The following CHRDL1 variants were observed in gnomAD, a reference collection of about 807,000 sequenced individuals.
CHRDL1 encodes chordin-like protein 1.
A neutral mutation model predicts 40.9 loss-of-function variants in CHRDL1; 19 were observed. The ratio of observed to expected loss-of-function variants is 0.46; its 90% CI spans 0.32 to 0.68. CHRDL1 has a LOEUF of 0.68. Ranked by LOEUF, CHRDL1 falls within the 30% of genes least tolerant of loss-of-function variation. The pLI is 0.03. For missense variants in CHRDL1, 329 were observed against 352.1 expected, an observed-to-expected ratio of 0.93 and a Z score of 0.53; for synonymous variants, 136 against 123.4, an observed-to-expected ratio of 1.10 and a Z score of -0.68.
At chrX:110,789,861 A>G (rs1456673359) in intron 2 of CHRDL1, among the ~76,000 whole-genome samples, 5 of 112,099 alleles carry the variant, frequency 4.5e-5, no homozygotes, top group Non-Finnish European at 9.4e-5. Context: ...AAGCATATAT[A>G]TTAATTTTAT....
chrX:110,714,268 G>A (rs765070918), intron 6 of CHRDL1, among the ~76,000 whole-genome samples: 1 of 109,877 alleles, frequency 9.1e-6, no homozygotes, highest in South Asian at 4.0e-4. Flanking sequence ...GCAGTATTTG[G>A]GGAAAAAAAA....
At position 110,758,424 on chromosome X, in the gene CHRDL1, GC is replaced by G. The variant is rs1276043311; in HGVS notation, c.301+1236del. 3.6e-5 allele frequency among the ~76,000 whole-genome samples: 4 copies of G among 111,374 alleles called. No individual in the cohort carries two copies. The South Asian group carries it at 1.1e-3, about 31-fold the overall frequency. On this transcript the variant is annotated intron_variant, in intron 4 of 11. Coordinates refer to ENST00000372042, the MANE Select transcript of CHRDL1 (RefSeq NM_001143981.2). ...AACCTGTGATATGGCATGATATTCT[GC>G]CATCTGGAAATGAATCACCTGTGTT...
chrX:110,689,796 CATCTATATATCTATATAT>C (rs1569462258), intron 8 of CHRDL1, among the ~76,000 whole-genome samples: 79 of 1,948 alleles, frequency 0.041, 7 homozygotes, highest in Non-Finnish European at 0.056. Flanking sequence ...TATATCTATA[CATCTATATATCTATATAT>C]ATCTATATAT....
chrX:110,697,816 A>ACACC (rs2070423205), intron 7 of CHRDL1, among the ~76,000 whole-genome samples: 1 of 2,254 alleles, frequency 4.4e-4, no homozygotes, highest in East Asian at 2.7e-3. Context: ...ACACCACTCC[A>ACACC]CACACACACA....
intron 4 of CHRDL1, among the ~76,000 whole-genome samples, chrX:110,728,485 G>C (rs756444762): frequency 9.0e-6 from 1 of 111,328 alleles, no homozygotes; most frequent in Non-Finnish European, 1.9e-5. Flanking sequence ...TCAGAAGCCC[G>C]GCTGTATTCC....
intron 2 of CHRDL1, among the ~76,000 whole-genome samples, chrX:110,773,390 C>A (rs780357212): frequency 8.9e-6 from 1 of 111,798 alleles, no homozygotes; most frequent in South Asian, 3.7e-4. Context: ...AATTGTACAG[C>A]TTTCTGTTAC....
chrX:110,729,462 C>G (rs1030884273), intron 4 of CHRDL1, among the ~76,000 whole-genome samples: 1 of 111,528 alleles, frequency 9.0e-6, no homozygotes, highest in Non-Finnish European at 1.9e-5. Flanking sequence ...GAACTTAACT[C>G]TCCTGTGGCC....
At chrX:110,765,856 T>C (rs891901536) in intron 2 of CHRDL1, among the ~76,000 whole-genome samples, 2 of 111,863 alleles carry the variant, frequency 1.8e-5, no homozygotes, top group African/African-American at 3.2e-5. Context: ...ACTTACAAGA[T>C]ATATATAGAA....
intron 1 of CHRDL1, among the ~76,000 whole-genome samples, chrX:110,794,166 G>C (rs1018783554): frequency 1.8e-5 from 2 of 111,954 alleles, no homozygotes; most frequent in Admixed American, 9.4e-5. Flanking sequence ...TTAGGGAAGG[G>C]GGTGGTTCAA....
At chrX:110,689,629 TCTATATATCTATATATATCTATATATC>T (rs1382969279) in intron 8 of CHRDL1, among the ~76,000 whole-genome samples, 39 of 42,758 alleles carry the variant, frequency 9.1e-4, no homozygotes, top group Admixed American at 2.0e-3. Flanking sequence ...TATCTATATA[TCTATATATCTATATATATCTATATATC>T]ATCTATATAT....
At position 110,681,360 on chromosome X, in the gene CHRDL1, A is replaced by C. The variant is rs146435047; in HGVS notation, c.1156+122T>G. ...AATAGTGTTAGATATGTCAGTTTCT[A>C]AGCAATCAAAAAGAACTTTTAATCC... is the stretch of plus-strand genomic sequence containing the variant. On this transcript the variant is annotated intron_variant, in intron 10 of 11. Coordinates refer to ENST00000372042, the MANE Select transcript of CHRDL1 (RefSeq NM_001143981.2). 695 of 559,769 alleles carry C rather than the reference A, an allele frequency of 1.2e-3. 4 individuals carry two copies. Among genetic ancestry groups the C allele is most frequent in the Middle Eastern group, 0.012 (30 of 2,521 alleles). 46.1% of individuals were successfully genotyped at this position (559,769 alleles called of 1,213,427 possible).
chrX:110,762,628 G>A (rs2089586560), intron 3 of CHRDL1, 67 bp downstream of exon 3: 2 of 610,455 alleles, frequency 3.3e-6, no homozygotes, highest in Non-Finnish European at 5.5e-6. Flanking sequence ...CTGGCCATTT[G>A]GGCACTGAAA....
chrX:110,785,050 A>G (rs2089996881), intron 2 of CHRDL1, among the ~76,000 whole-genome samples: 3 of 112,159 alleles, frequency 2.7e-5, no homozygotes, highest in African/African-American at 9.7e-5. Context: ...TCAAAAAACC[A>G]AACTGTTCTT....
chrX:110,689,398 A>ATATATATCTATATATCTATATATATC (rs2070109570), intron 8 of CHRDL1, among the ~76,000 whole-genome samples: 4 of 58,186 alleles, frequency 6.9e-5, no homozygotes, highest in East Asian at 6.3e-4. Flanking sequence ...CACCCAGCCT[A>ATATATATCTATATATCTATATATATC]TATATATCTA....
intron 5 of CHRDL1, 61 bp from the exon 6 acceptor site, chrX:110,719,989 T>G: frequency 1.4e-6 from 1 of 727,247 alleles, no homozygotes; most frequent in Non-Finnish European, 2.1e-6. Context: ...AGGCTTCACT[T>G]AATACCTGAA....
intron 6 of CHRDL1, among the ~76,000 whole-genome samples, chrX:110,719,328 C>A (rs763745121): frequency 1.8e-5 from 2 of 111,630 alleles, no homozygotes; most frequent in Non-Finnish European, 3.8e-5. Context: ...GAAGACAATT[C>A]AATTTTGAAT....
At chrX:110,755,811 G>T (rs1265088741) in intron 4 of CHRDL1, among the ~76,000 whole-genome samples, 1 of 111,788 alleles carries the variant, frequency 8.9e-6, no homozygotes, top group Non-Finnish European at 1.9e-5. Flanking sequence ...GAAGGCATGA[G>T]TTTCCTCATG....
chrX:110,785,356 G>A (rs1036677280), intron 2 of CHRDL1, among the ~76,000 whole-genome samples: 3 of 111,678 alleles, frequency 2.7e-5, no homozygotes, highest in Non-Finnish European at 5.6e-5. Flanking sequence ...ACAAGTGGAA[G>A]CTAAATAATG....
intron 6 of CHRDL1, among the ~76,000 whole-genome samples, chrX:110,714,371 A>G (rs2070801552): frequency 8.9e-6 from 1 of 112,324 alleles, no homozygotes; most frequent in East Asian, 2.8e-4. Flanking sequence ...GACTGGATAA[A>G]GAAAATGTGG....
Sources: gnomAD v4.1 joint callset for allele counts (sites outside exome capture counted in the v4.1 genomes callset) on GRCh38, gnomAD v4.1.1 for gene constraint, MANE v1.5 for transcripts, NCBI Gene and HGNC (gene_info 2026-07-23, HGNC 2026-07-21) for gene names.